The following NAA11 variants were observed in gnomAD, a reference collection of about 807,000 sequenced individuals.
NAA11 encodes N-alpha-acetyltransferase 11.
In NAA11, 15 loss-of-function variants were observed where a neutral mutation model predicts 16.1. The ratio of observed to expected loss-of-function variants is 0.93; its 90% confidence interval spans 0.62 to 1.44. The LOEUF is 1.44. Among genes scored for constraint, NAA11 ranks in the 40% most tolerant of loss-of-function variants. The probability of loss-of-function intolerance (pLI) is 0.00; values close to 1 mark genes in which losing one functional copy is unlikely to be tolerated. For missense variants in NAA11, 298 were observed against 291.3 expected (o/e 1.02, Z -0.17); for synonymous variants, 122 against 112.4 (o/e 1.09, Z -0.54).
At chr4:79,277,110 C>T (rs967589270) in intron 2 of NAA11, among the ~76,000 whole-genome samples, 3 of 152,022 alleles carry the variant, frequency 2.0e-5, no homozygotes, top group Non-Finnish European at 4.4e-5. Flanking sequence ...ACAACACTGC[C>T]TCTAATGGAA....
the NAA11 span, among the ~76,000 whole-genome samples, chr4:79,172,060 A>G: frequency 6.6e-6 from 1 of 152,296 alleles, no homozygotes; most frequent in Non-Finnish European, 1.5e-5. Context: ...AAAGGCAGAA[A>G]ATAATAAAAT....
At chr4:79,274,296 G>A (rs1722568612) in intron 2 of NAA11, among the ~76,000 whole-genome samples, 1 of 152,038 alleles carries the variant, frequency 6.6e-6, no homozygotes, top group Non-Finnish European at 1.5e-5. Context: ...ATGGGCTGAT[G>A]ATTACTACTG....
chr4:79,222,397 GA>G, downstream of NAA11, among the ~76,000 whole-genome samples: 1 of 151,772 alleles, frequency 6.6e-6, no homozygotes, highest in African/African-American at 2.4e-5. Context: ...ATGGGGAAAG[GA>G]TTCTCTATTT....
chr4:79,210,151 T>A, the NAA11 span, among the ~76,000 whole-genome samples: 8 of 151,720 alleles, frequency 5.3e-5, no homozygotes, highest in Non-Finnish European at 8.8e-5. Context: ...CGGGTGCGAG[T>A]GGGCTGAGTC....
chr4:79,203,197 C>T, the NAA11 span, among the ~76,000 whole-genome samples: 5 of 151,622 alleles, frequency 3.3e-5, no homozygotes, highest in Admixed American at 6.6e-5. Flanking sequence ...CGAACTTAAG[C>T]TGATTTCCTT....
chr4:79,264,358 A>G (rs1368702278), intron 2 of NAA11, among the ~76,000 whole-genome samples: 1 of 152,166 alleles, frequency 6.6e-6, no homozygotes, highest in African/African-American at 2.4e-5. Flanking sequence ...AATTTGTATC[A>G]TTACCGTCAC....
intron 1 of NAA11, among the ~76,000 whole-genome samples, chr4:79,322,505 G>GTATATATA (rs150419621): frequency 1.5e-4 from 23 of 150,072 alleles, no homozygotes; most frequent in African/African-American, 4.2e-4. Context: ...GTGTGTGTGT[G>GTATATATA]TATATATATA....
At chr4:79,277,766 T>A (rs543372356) in intron 2 of NAA11, among the ~76,000 whole-genome samples, 1 of 152,142 alleles carries the variant, frequency 6.6e-6, no homozygotes, top group African/African-American at 2.4e-5. Flanking sequence ...GTTTAGCCTG[T>A]GCAGTCTAAC....
At chr4:79,219,105 A>G in the NAA11 span, among the ~76,000 whole-genome samples, 1 of 152,182 alleles carries the variant, frequency 6.6e-6, no homozygotes, top group Non-Finnish European at 1.5e-5. Flanking sequence ...TATTTTCTTT[A>G]TAATCTGATT....
intron 2 of NAA11, among the ~76,000 whole-genome samples, chr4:79,253,024 T>C (rs1304714646): frequency 1.3e-5 from 2 of 152,146 alleles, no homozygotes; most frequent in East Asian, 3.8e-4. Flanking sequence ...AGGGAAGTAG[T>C]AGTAGAAGTG....
At chr4:79,180,760 G>T in the NAA11 span, among the ~76,000 whole-genome samples, 2 of 27,588 alleles carry the variant, frequency 7.2e-5, no homozygotes, top group Non-Finnish European at 4.3e-4. Context: ...AAATCATGCT[G>T]CTATAAAGAC....
chr4:79,267,468 T>C (rs1722378572), intron 2 of NAA11, among the ~76,000 whole-genome samples: 1 of 152,216 alleles, frequency 6.6e-6, no homozygotes, highest in African/African-American at 2.4e-5. Context: ...CTGTTTTCTC[T>C]ACTGCAAAAT....
intron 1 of NAA11, among the ~76,000 whole-genome samples, chr4:79,321,266 G>C (rs1016139678): frequency 6.6e-6 from 1 of 152,160 alleles, no homozygotes; most frequent in Admixed American, 6.5e-5. Context: ...GCACCACTAG[G>C]ATGTTTCCTA....
intron 2 of NAA11, among the ~76,000 whole-genome samples, chr4:79,267,046 C>T (rs1262757591): frequency 6.6e-6 from 1 of 152,070 alleles, no homozygotes; most frequent in Non-Finnish European, 1.5e-5. Context: ...ATAATTTACC[C>T]ACATTGTATC....
At chr4:79,277,562 C>A (rs571225365) in intron 2 of NAA11, among the ~76,000 whole-genome samples, 9 of 152,194 alleles carry the variant, frequency 5.9e-5, no homozygotes, top group Admixed American at 2.0e-4. Flanking sequence ...TACTTTTAAA[C>A]TTAACTTCCT....
chr4:79,318,991 C>T (rs1463767024), intron 1 of NAA11, among the ~76,000 whole-genome samples: 1 of 152,118 alleles, frequency 6.6e-6, no homozygotes, highest in Non-Finnish European at 1.5e-5. Context: ...AATCATGGCT[C>T]ACAAGAGCCT....
At chr4:79,265,503 A>G (rs549449407) in intron 2 of NAA11, among the ~76,000 whole-genome samples, 1 of 151,956 alleles carries the variant, frequency 6.6e-6, no homozygotes, top group East Asian at 1.9e-4. Flanking sequence ...GCTCTCCCCT[A>G]TTGCACTTTC....
chr4:79,168,001 C>A, the NAA11 span, among the ~76,000 whole-genome samples: 1 of 152,028 alleles, frequency 6.6e-6, no homozygotes, highest in Non-Finnish European at 1.5e-5. Context: ...AGGTATTTCT[C>A]CTAATGTGTC....
intron 2 of NAA11, among the ~76,000 whole-genome samples, chr4:79,231,272 T>TC (rs1721457367): frequency 1.3e-5 from 2 of 151,906 alleles, no homozygotes; most frequent in South Asian, 4.1e-4. Flanking sequence ...TTAGCAATTT[T>TC]CCCCTGGTGA....
Sources: allele counts gnomAD v4.1 joint callset (sites outside exome capture counted in the v4.1 genomes callset), GRCh38; gene constraint gnomAD v4.1.1; transcripts MANE v1.5; gene names NCBI Gene and HGNC (gene_info 2026-07-23, HGNC 2026-07-21).